Variants in ADGRE1 observed in about 807,000 individuals in gnomAD.
ADGRE1 encodes the protein adhesion G protein-coupled receptor E1.
Under a neutral mutation model 102.7 loss-of-function variants are expected in ADGRE1, and 82 were observed. That is an observed-to-expected ratio of 0.80 (90% CI 0.67 to 0.96). ADGRE1 has a LOEUF of 0.96. ADGRE1 is among the 40% of genes least tolerant of loss of function. The pLI is 0.00. For synonymous variants in ADGRE1, 398 were observed against 399.6 expected (o/e 1.00, Z 0.05); for missense variants, 1,032 against 1,085.3 (o/e 0.95, Z 0.69).
intron 14 of ADGRE1, among the ~76,000 whole-genome samples, chr19:6,922,860 A>G (rs1014929822): frequency 6.6e-6 from 1 of 151,720 alleles, no homozygotes; most frequent in South Asian, 2.1e-4. Flanking sequence ...GGCAGATCAC[A>G]AGGTCAGGAG....
rs547965770 is a variant in ADGRE1 at position 6,925,426 on chromosome 19, C to G, written c.1986+554C>G. Reference sequence around the variant, plus strand: ...GCTTCAGCCATCACGCACGGCCCCTCCTGTTACTTTCTAAACCAGAGGTTC... The same window carrying G: ...GCTTCAGCCATCACGCACGGCCCCTGCTGTTACTTTCTAAACCAGAGGTTC... On this transcript the variant is annotated intron_variant, in intron 15 of 20. Transcript: ENST00000312053. 2.6e-5 allele frequency among the ~76,000 whole-genome samples: 4 copies of G among 152,212 alleles called. No individual in the cohort carries two copies. In the South Asian group the frequency reaches 8.3e-4, roughly 32 times the overall value.
At chr19:6,921,582 T>C in intron 13 of ADGRE1, 131 bp from the exon 14 acceptor site, 2 of 1,076,468 alleles carry the variant, frequency 1.9e-6, no homozygotes, top group Non-Finnish European at 2.6e-6. Context: ...AATACCAGCA[T>C]TTTTCCCCAT....
intron 12 of ADGRE1, among the ~76,000 whole-genome samples, 156 bp from the exon 13 acceptor site, chr19:6,919,392 G>A (rs1320571644): frequency 1.4e-5 from 2 of 141,514 alleles, no homozygotes; most frequent in African/African-American, 2.6e-5. Flanking sequence ...AGAGCAGCAC[G>A]GTGAGGTGCA....
At chr19:6,887,984 T>C (rs1973210038) in intron 1 of ADGRE1, among the ~76,000 whole-genome samples, 1 of 152,202 alleles carries the variant, frequency 6.6e-6, no homozygotes, top group Non-Finnish European at 1.5e-5. Context: ...AAGGCACAGA[T>C]GATCATAGCC....
intron 14 of ADGRE1, among the ~76,000 whole-genome samples, chr19:6,922,486 A>G (rs957930102): frequency 4.0e-5 from 6 of 151,792 alleles, no homozygotes; most frequent in African/African-American, 1.5e-4. Context: ...ATGGTGGTGC[A>G]TGCCTGTTGT....
intron 2 of ADGRE1, 91 bp downstream of exon 2, chr19:6,890,634 A>T (rs1973334643): frequency 7.2e-7 from 1 of 1,382,156 alleles, no homozygotes; most frequent in East Asian, 2.4e-5. Flanking sequence ...CCTCATCCAG[A>T]TGCTTGCTGG....
chr19:6,915,924 A>ACAAAC (rs201109288), intron 11 of ADGRE1, among the ~76,000 whole-genome samples: 1 of 144,258 alleles, frequency 6.9e-6, no homozygotes, highest in Non-Finnish European at 1.5e-5. Context: ...CCGTCTCAAA[A>ACAAAC]AAAAAAAAAA....
At chr19:6,927,287 C>CCTCCCTCTCTT (rs1568361019) in intron 16 of ADGRE1, among the ~76,000 whole-genome samples, 1 of 69,162 alleles carries the variant, frequency 1.4e-5, no homozygotes, top group Non-Finnish European at 2.8e-5. Context: ...TCCTTCCCTT[C>CCTCCCTCTCTT]CCTCCCTCCC....
intron 16 of ADGRE1, among the ~76,000 whole-genome samples, chr19:6,927,823 G>A (rs1334301527): frequency 2.0e-5 from 3 of 151,968 alleles, no homozygotes; most frequent in African/African-American, 4.8e-5. Context: ...CCCCACGCCC[G>A]GCCTGAGCTG....
chr19:6,912,170 A>G (rs953421795), intron 10 of ADGRE1, among the ~76,000 whole-genome samples: 5 of 152,092 alleles, frequency 3.3e-5, no homozygotes, highest in African/African-American at 1.2e-4. Context: ...AGAGATATAC[A>G]CACATGCACA....
At chr19:6,925,419 G>A (rs529802386) in intron 15 of ADGRE1, among the ~76,000 whole-genome samples, 3 of 152,162 alleles carry the variant, frequency 2.0e-5, no homozygotes, top group Non-Finnish European at 2.9e-5. Context: ...CATCACGCAC[G>A]GCCCCTCCTG....
At chr19:6,896,123 T>C in intron 2 of ADGRE1, 1 of 347,328 alleles carries the variant, frequency 2.9e-6, no homozygotes, top group Non-Finnish European at 5.3e-6. Flanking sequence ...TCCCTGTGCA[T>C]GTCTGTGTGT....
intron 3 of ADGRE1, chr19:6,896,861 A>G: frequency 2.1e-6 from 1 of 479,044 alleles, no homozygotes; most frequent in Non-Finnish European, 3.7e-6. Flanking sequence ...AATTTCATGG[A>G]TGGTTGAGTT....
intron 20 of ADGRE1, among the ~76,000 whole-genome samples, chr19:6,939,575 G>C (rs984654069): frequency 6.6e-6 from 1 of 152,036 alleles, no homozygotes; most frequent in Non-Finnish European, 1.5e-5. Context: ...TATTTTCATG[G>C]TTGCAATATG....
chr19:6,937,981 G>A (rs660120), intron 20 of ADGRE1, among the ~76,000 whole-genome samples: 105,769 of 150,614 alleles, frequency 0.7, 37,326 homozygotes, highest in Non-Finnish European at 0.74. Flanking sequence ...ACATTTATAT[G>A]CACTTATTAT....
At chr19:6,894,514 G>A (rs906280729) in intron 2 of ADGRE1, among the ~76,000 whole-genome samples, 2 of 152,188 alleles carry the variant, frequency 1.3e-5, no homozygotes, top group African/African-American at 4.8e-5. Context: ...AGAGGCAGAG[G>A]GAACAGCATG....
chr19:6,889,348 G>T lies in ADGRE1; in HGVS notation c.32-1133G>T, dbSNP rs149782683. ...TGATAGTGATAATGATGGCGATAAT[G>T]ATGATGGTGCAGGAGACCTAAATGC... is the stretch of plus-strand genomic sequence containing the variant. On this transcript the variant is annotated intron_variant, in intron 1 of 20. Coordinates refer to ENST00000312053, the MANE Select transcript of ADGRE1 (RefSeq NM_001974.5). Among the ~76,000 whole-genome samples the T allele has an allele frequency of 3.4e-3, 522 of 152,168 alleles. 7 individuals carry two copies. Among genetic ancestry groups the T allele is most frequent in the African/African-American group, 0.012 (497 of 41,518 alleles).
Position 6,904,276 on chromosome 19 carries a change from G to A in ADGRE1, c.949+94G>A, listed in dbSNP as rs896433508. ...ACCCAACCTCGGGATCTTCCTCTTA[G>A]TGTTGCCTCATCCACATATTCTGTT... On this transcript the variant is annotated intron_variant, in intron 8 of 20. Transcript: ENST00000312053. The A allele has an allele frequency of 3.4e-6, 5 of 1,468,048 alleles. No individual in the cohort carries two copies. In the African/African-American group the frequency reaches 7.1e-5, roughly 21 times the overall value. The allele number at this position is 1,468,048 out of a possible 1,614,324, so 90.9% of individuals were successfully genotyped here.
intron 18 of ADGRE1, 100 bp from the exon 19 acceptor site, chr19:6,937,143 C>A (rs1975445005): frequency 1.4e-6 from 2 of 1,382,110 alleles, no homozygotes; most frequent in Non-Finnish European, 2.0e-6. Flanking sequence ...ACCTAGGTGG[C>A]AAATTGGAGA....
Sources: gnomAD v4.1 joint callset for allele counts (sites outside exome capture counted in the v4.1 genomes callset) on GRCh38, gnomAD v4.1.1 for gene constraint, MANE v1.5 for transcripts, NCBI Gene and HGNC (gene_info 2026-07-23, HGNC 2026-07-21) for gene names.